Variants in PARD3B observed in about 807,000 individuals in gnomAD.
PARD3B encodes par-3 family cell polarity regulator beta, also known as partitioning defective 3 homolog B.
Under a neutral mutation model 130.2 loss-of-function variants are expected in PARD3B, and 103 were observed. The observed-to-expected ratio is 0.79, with a 90% CI of 0.67 to 0.93. The LOEUF (loss-of-function observed/expected upper bound fraction) is 0.93, where lower values mean the gene tolerates loss of function less well. Among genes scored for constraint, PARD3B ranks in the 40% least tolerant of loss-of-function variants. PARD3B has a pLI of 0.00. For synonymous variants in PARD3B, 583 were observed against 553.2 expected (o/e 1.05, Z -0.76); for missense variants, 1,609 against 1,499.2 (o/e 1.07, Z -1.21).
intron 3 of PARD3B, among the ~76,000 whole-genome samples, chr2:205,030,434 T>G (rs1217435492): frequency 6.6e-6 from 1 of 152,170 alleles, no homozygotes; most frequent in Non-Finnish European, 1.5e-5. Flanking sequence ...CACCAGTCAC[T>G]TAGTTCACCA....
At chr2:205,532,518 C>CA (rs2051646025) in intron 21 of PARD3B, among the ~76,000 whole-genome samples, 1 of 152,120 alleles carries the variant, frequency 6.6e-6, no homozygotes, top group Non-Finnish European at 1.5e-5. Flanking sequence ...GCTGGAGTGG[C>CA]AAAACACTGT....
intron 5 of PARD3B, among the ~76,000 whole-genome samples, chr2:205,109,933 C>G (rs940833982): frequency 6.6e-6 from 1 of 152,002 alleles, no homozygotes; most frequent in Non-Finnish European, 1.5e-5. Context: ...GGATTACAGA[C>G]GTGAGCCAAC....
intron 18 of PARD3B, among the ~76,000 whole-genome samples, chr2:205,333,382 A>C (rs2043203336): frequency 1.3e-5 from 2 of 152,134 alleles, no homozygotes; most frequent in African/African-American, 4.8e-5. Flanking sequence ...AATATATTAG[A>C]TATATTGCCT....
At chr2:205,581,297 T>C (rs1007715698) in intron 22 of PARD3B, among the ~76,000 whole-genome samples, 2 of 106,200 alleles carry the variant, frequency 1.9e-5, no homozygotes, top group Non-Finnish European at 4.0e-5. Flanking sequence ...TAGATAGATA[T>C]AGATAGATAG....
At chr2:204,579,401 G>A (rs921225835) in intron 1 of PARD3B, among the ~76,000 whole-genome samples, 11 of 152,172 alleles carry the variant, frequency 7.2e-5, no homozygotes, top group African/African-American at 2.2e-4. Context: ...CAGGGAGCGC[G>A]AGGAATGATG....
intron 2 of PARD3B, among the ~76,000 whole-genome samples, chr2:204,905,495 A>AATGGCTTTATCATT (rs760470812): frequency 1.0e-3 from 155 of 152,338 alleles, no homozygotes; most frequent in Non-Finnish European, 1.8e-3. Context: ...TAAAGGGAAG[A>AATGGCTTTATCATT]TAGTCAAGTG....
chr2:205,574,147 T>C (rs73985049), intron 22 of PARD3B, among the ~76,000 whole-genome samples: 4,647 of 152,274 alleles, frequency 0.031, 230 homozygotes, highest in African/African-American at 0.11. Context: ...AGAAAGAACA[T>C]TGAAATCAAA....
chr2:205,213,070 T>A (rs1019410017), intron 15 of PARD3B, among the ~76,000 whole-genome samples: 1 of 152,132 alleles, frequency 6.6e-6, no homozygotes, highest in East Asian at 1.9e-4. Flanking sequence ...ATGGTTGGGC[T>A]TCAGACCATT....
At position 204,651,861 on chromosome 2, in the gene PARD3B, G is replaced by A. The variant is rs1051622168; in HGVS notation, c.121-34320G>A. ...TGCACACCCACAGGCCAAACACCAT[G>A]TGGAAGCTGTTAAGGCTTGGGGCTT... On this transcript the variant is annotated intron_variant, in intron 1 of 22. Transcript: ENST00000406610. 3.9e-5 allele frequency among the ~76,000 whole-genome samples: 6 copies of A among 152,212 alleles called. 1 individual carries two copies. The highest frequency in any genetic ancestry group is 1.2e-4 in the African/African-American group (5 of 41,462).
chr2:205,589,795 G>C lies in PARD3B; in HGVS notation c.3261-25661G>C, dbSNP rs897031052. 1.6e-4 allele frequency among the ~76,000 whole-genome samples: 24 copies of C among 152,262 alleles called. No individual in the cohort carries two copies. The highest frequency in any genetic ancestry group is 5.5e-4 in the African/African-American group (23 of 41,544). On this transcript the variant is annotated intron_variant, in intron 22 of 22. Coordinates refer to ENST00000406610, the MANE Select transcript of PARD3B (RefSeq NM_001302769.2). The surrounding 1 kb of genome is among the most constrained non-coding windows in gnomAD (Gnocchi z 4.1). The stretch of plus-strand genomic sequence containing the variant: ...TAGGCACAGATATCTGAGCCTAAAG[G>C]AAGTTTGTCAGGAACCAAAAATCTA...
In PARD3B at chr2:205,011,715, T is replaced by A. The variant is rs1575552347; in HGVS notation, c.395-35866T>A. 6.6e-6 allele frequency among the ~76,000 whole-genome samples: 1 copy of A among 152,180 alleles called. No homozygotes were observed. The highest frequency in any genetic ancestry group is 2.1e-4 in the South Asian group (1 of 4,820). Reference sequence around the variant, plus strand: ...CCTTACCTGAAGATTTAAGCCTGGGTGACAGTGTTTAGGGAACCTAGCTTG... The same window carrying A: ...CCTTACCTGAAGATTTAAGCCTGGGAGACAGTGTTTAGGGAACCTAGCTTG... On this transcript the variant is annotated intron_variant, in intron 3 of 22. Coordinates refer to ENST00000406610, the MANE Select transcript of PARD3B (RefSeq NM_001302769.2). This position sits in a 1 kb window ranked among gnomAD's most constrained non-coding sequence, Gnocchi z 4.1.
At chr2:205,602,260 T>A (rs1243407650) in intron 22 of PARD3B, among the ~76,000 whole-genome samples, 1 of 152,190 alleles carries the variant, frequency 6.6e-6, no homozygotes, top group Non-Finnish European at 1.5e-5. Flanking sequence ...TTTTGATGTG[T>A]CGCTGGATTT....
intron 4 of PARD3B, among the ~76,000 whole-genome samples, chr2:205,053,832 A>AG (rs1491213346): frequency 1.7e-5 from 2 of 119,814 alleles, no homozygotes; most frequent in African/African-American, 5.9e-5. Flanking sequence ...AGAGCAAAAC[A>AG]GGGGGAGAAA....
intron 1 of PARD3B, among the ~76,000 whole-genome samples, chr2:204,644,071 T>C (rs1459530745): frequency 1.3e-5 from 2 of 152,336 alleles, no homozygotes; most frequent in East Asian, 3.9e-4. Flanking sequence ...GAAGGAGGCT[T>C]GTTTTCCTTT....
At chr2:205,367,307 A>G (rs1030441998) in intron 18 of PARD3B, among the ~76,000 whole-genome samples, 6 of 152,196 alleles carry the variant, frequency 3.9e-5, no homozygotes, top group African/African-American at 1.4e-4. Flanking sequence ...TTATATGAAG[A>G]GTCATGCTAT....
intron 22 of PARD3B, among the ~76,000 whole-genome samples, chr2:205,587,885 A>G (rs1315834632): frequency 6.6e-6 from 1 of 152,240 alleles, no homozygotes; most frequent in South Asian, 2.1e-4. Flanking sequence ...ATACTCTAGA[A>G]GCAGGATGAA....
chr2:205,032,888 G>C (rs1272974764), intron 3 of PARD3B, among the ~76,000 whole-genome samples: 5 of 152,146 alleles, frequency 3.3e-5, no homozygotes, highest in East Asian at 1.9e-4. Flanking sequence ...TTGTATTCAG[G>C]ATGCCTGAAA....
chr2:205,228,626 C>G (rs904453207), intron 15 of PARD3B, among the ~76,000 whole-genome samples: 1 of 152,058 alleles, frequency 6.6e-6, no homozygotes, highest in African/African-American at 2.4e-5. Flanking sequence ...ATATCTTTCT[C>G]TTGGTTTGGG....
At chr2:205,135,227 G>A (rs1171546459) in intron 10 of PARD3B, among the ~76,000 whole-genome samples, 1 of 152,214 alleles carries the variant, frequency 6.6e-6, no homozygotes, top group East Asian at 1.9e-4. Flanking sequence ...TTGATTTGGA[G>A]CAAGCTGGAT....
Sources: allele counts gnomAD v4.1 joint callset (sites outside exome capture counted in the v4.1 genomes callset), GRCh38; gene constraint gnomAD v4.1.1; non-coding constraint Gnocchi (gnomAD v3.1); transcripts MANE v1.5; gene names NCBI Gene and HGNC (gene_info 2026-07-23, HGNC 2026-07-21).